Variants in PRKCZ observed in about 807,000 individuals in gnomAD.
The protein encoded by PRKCZ is protein kinase C zeta type.
A neutral mutation model predicts 79.5 loss-of-function variants in PRKCZ; 33 were observed. The ratio of observed to expected loss-of-function variants is 0.41; its 90% CI spans 0.31 to 0.55. The LOEUF is 0.55. PRKCZ is among the 20% of genes least tolerant of loss of function. PRKCZ has a pLI of 0.19. For synonymous variants in PRKCZ, 342 were observed against 320.9 expected, an observed-to-expected ratio of 1.07 and a Z score of -0.70; for missense variants, 578 against 813.5, an observed-to-expected ratio of 0.71 and a Z score of 3.52.
intron 5 of PRKCZ, chr1:2,142,658 A>G: frequency 5.7e-6 from 1 of 175,682 alleles, no homozygotes; most frequent in Non-Finnish European, 1.2e-5. Flanking sequence ...TAGCATGTGC[A>G]GAGGATGTGG....
intron 4 of PRKCZ, among the ~76,000 whole-genome samples, chr1:2,079,463 C>T (rs1010715644): frequency 3.3e-5 from 5 of 152,242 alleles, no homozygotes; most frequent in Admixed American, 6.5e-5. Flanking sequence ...CTATTTGCCG[C>T]GTGCCCCAGG....
chr1:2,104,567 A>C (rs923416743), intron 4 of PRKCZ: 3 of 507,052 alleles, frequency 5.9e-6, no homozygotes, highest in African/African-American at 4.2e-5. Flanking sequence ...CTAAGAGGGG[A>C]GGCTGGGAGG....
Position 2,169,527 on chromosome 1 carries a change from G to T in PRKCZ, c.984G>T (p.Leu328=), listed in dbSNP as rs552774106. 5 of 1,549,218 alleles carry T rather than the reference G, an allele frequency of 3.2e-6. No homozygotes were observed. The South Asian group carries it at 6.0e-5, about 18-fold the overall frequency. Residue 328 remains leucine (L), a synonymous_variant, in exon 11 of 18, where the codon CTG becomes CTT. Transcript: ENST00000378567. ...GCCTCTCTCCCTGCAGGTTGTTCCTGGTCATTGAGTACGTCAACGGCGGGG... is the reference window on the plus strand; with the variant it reads ...GCCTCTCTCCCTGCAGGTTGTTCCTTGTCATTGAGTACGTCAACGGCGGGG... The part of the protein sequence containing the change: ...SCFQTTSRLF[L]VIEYVNGGDL...
rs1684684870 is a variant in PRKCZ, at chr1:2,172,787, C to G, written c.1285+399C>G. 6.6e-6 allele frequency among the ~76,000 whole-genome samples: 1 copy of G among 152,374 alleles called. No homozygotes were observed. The highest frequency in any genetic ancestry group is 1.9e-4 in the East Asian group (1 of 5,188). ...GGACAGGACCCCACAGGCCCTGCGG[C>G]TGAGGACGCCGTGCACACCAGAGTG... On this transcript the variant is annotated intron_variant, in intron 13 of 17. Coordinates refer to ENST00000378567, the MANE Select transcript of PRKCZ (RefSeq NM_002744.6). This position sits in a 1 kb window ranked among gnomAD's most constrained non-coding sequence, Gnocchi z 7.8.
At chr1:2,062,244 C>G (rs200977990) in intron 4 of PRKCZ, among the ~76,000 whole-genome samples, 39 of 152,256 alleles carry the variant, frequency 2.6e-4, no homozygotes, top group East Asian at 2.3e-3. Context: ...ACCCCGTGCC[C>G]GTCATCGGTC....
At chr1:2,072,288 A>G (rs761299004) in intron 4 of PRKCZ, among the ~76,000 whole-genome samples, 2 of 152,268 alleles carry the variant, frequency 1.3e-5, no homozygotes, top group Admixed American at 6.5e-5. Context: ...GCAGATAAAC[A>G]CAGGTTTATG....
chr1:2,108,085 G>C (rs1264378134), intron 4 of PRKCZ, among the ~76,000 whole-genome samples: 1 of 152,246 alleles, frequency 6.6e-6, no homozygotes, highest in Non-Finnish European at 1.5e-5. Context: ...CTGTTCTGGG[G>C]GTAGAGAAGT....
intron 4 of PRKCZ, among the ~76,000 whole-genome samples, chr1:2,089,961 G>A (rs1318774575): frequency 1.3e-5 from 2 of 152,080 alleles, no homozygotes; most frequent in South Asian, 2.1e-4. Flanking sequence ...GCTGGGTTTC[G>A]GCAGGGCTGG....
At chr1:2,176,541 G>A (rs1325619047) in intron 16 of PRKCZ, among the ~76,000 whole-genome samples, 1 of 152,350 alleles carries the variant, frequency 6.6e-6, no homozygotes, top group East Asian at 1.9e-4. Flanking sequence ...CAGAGCTACT[G>A]AAATAAAACC....
intron 1 of PRKCZ, 124 bp from the exon 2 acceptor site, chr1:2,055,317 T>A: frequency 1.7e-6 from 2 of 1,192,900 alleles, no homozygotes; most frequent in Non-Finnish European, 2.3e-6. Context: ...GGGGTGGGGC[T>A]GTCATATTGT....
chr1:2,169,539 C>T lies in PRKCZ; in HGVS notation c.996C>T (p.Tyr332=), dbSNP rs115717767. 5,599 of 1,547,186 alleles carry T rather than the reference C, an allele frequency of 3.6e-3. 20 individuals are homozygous for T. The highest frequency in any genetic ancestry group is 4.0e-3 in the Non-Finnish European group (4,633 of 1,144,034). Residue 332 remains tyrosine (Y), a synonymous_variant, in exon 11 of 18, where the codon TAC becomes TAT. Transcript: ENST00000378567. ...TTSRLFLVIE[Y]VNGGDLMFHM... is the part of the protein sequence containing the mutation. ...GCAGGTTGTTCCTGGTCATTGAGTA[C>T]GTCAACGGCGGGGACCTGATGTTCC...
chr1:2,096,459 A>AGTTTCCCC (rs1666533735), intron 4 of PRKCZ, among the ~76,000 whole-genome samples: 1 of 151,854 alleles, frequency 6.6e-6, no homozygotes. Flanking sequence ...AGACGCCAGG[A>AGTTTCCCC]ACGCGGTTGT....
At chr1:2,103,889 GC>G (rs919740969) in intron 4 of PRKCZ, among the ~76,000 whole-genome samples, 1 of 152,172 alleles carries the variant, frequency 6.6e-6, no homozygotes, top group Non-Finnish European at 1.5e-5. Context: ...AGGGCAACGC[GC>G]CCCCGTTTAA....
At chr1:2,059,967 G>A (rs913502029) in intron 4 of PRKCZ, among the ~76,000 whole-genome samples, 4 of 152,218 alleles carry the variant, frequency 2.6e-5, no homozygotes, top group African/African-American at 7.2e-5. Context: ...CCCCTGAGCT[G>A]GTGTGGGGGC....
chr1:2,092,022 G>A (rs1665599471), intron 4 of PRKCZ, among the ~76,000 whole-genome samples: 1 of 151,864 alleles, frequency 6.6e-6, no homozygotes, highest in South Asian at 2.1e-4. Flanking sequence ...AAGAATGGCC[G>A]TGTCCCCAGG....
At chr1:2,167,717 C>T (rs1683617417) in intron 10 of PRKCZ, among the ~76,000 whole-genome samples, 2 of 152,272 alleles carry the variant, frequency 1.3e-5, no homozygotes, top group South Asian at 4.1e-4. Context: ...GATTCTCCTG[C>T]CCTCAGCCTC....
rs113420233 is a variant in PRKCZ at position 2,139,934 on chromosome 1, T to A, written c.421-4276T>A. The stretch of plus-strand genomic sequence containing the variant: ...CTGAGCTGTGGCTGCTGGAGAGCCC[T>A]CTGCTGGTGGCACATAGGGCACAAG... On this transcript the variant is annotated intron_variant, in intron 5 of 17. Coordinates refer to ENST00000378567, the MANE Select transcript of PRKCZ (RefSeq NM_002744.6). Among the ~76,000 whole-genome samples, 856 of 152,332 alleles carry A rather than the reference T, an allele frequency of 5.6e-3. 9 individuals carry two copies. The highest frequency in any genetic ancestry group is 0.02 in the African/African-American group (834 of 41,570).
At chr1:2,114,533 T>C (rs1670356836) in intron 4 of PRKCZ, among the ~76,000 whole-genome samples, 1 of 152,188 alleles carries the variant, frequency 6.6e-6, no homozygotes, top group African/African-American at 2.4e-5. Context: ...CCCAGCACTT[T>C]GGGAGGCCGA....
chr1:2,175,506 C>T (rs1391267862), intron 16 of PRKCZ, among the ~76,000 whole-genome samples, 193 bp downstream of exon 16: 2 of 133,416 alleles, frequency 1.5e-5, no homozygotes, highest in Non-Finnish European at 3.2e-5. Context: ...CCAACTCCCA[C>T]CCCAACCCCC....
Sources: allele counts gnomAD v4.1 joint callset (sites outside exome capture counted in the v4.1 genomes callset), GRCh38; gene constraint gnomAD v4.1.1; non-coding constraint Gnocchi (gnomAD v3.1); transcripts MANE v1.5; gene names NCBI Gene and HGNC (gene_info 2026-07-23, HGNC 2026-07-21).